The following DLG5 variants were observed in gnomAD, a reference collection of about 807,000 sequenced individuals.
The protein encoded by DLG5 is disks large homolog 5.
In DLG5, 48 loss-of-function variants were observed where a neutral mutation model predicts 189.8. That is an observed-to-expected ratio of 0.25 (90% CI 0.20 to 0.32). The LOEUF (loss-of-function observed/expected upper bound fraction) is 0.32, where lower values mean the gene tolerates loss of function less well. Ranked by LOEUF, DLG5 falls within the 10% of genes least tolerant of loss-of-function variation. The pLI, the probability that DLG5 is intolerant of heterozygous loss-of-function variation, is 1.00. For missense variants in DLG5, 2,160 were observed against 2,544.7 expected (o/e 0.85, Z 3.25); for synonymous variants, 1,016 against 1,054.1 (o/e 0.96, Z 0.70).
chr10:77,921,642 C>G (rs1038588978), intron 1 of DLG5, among the ~76,000 whole-genome samples: 1 of 152,166 alleles, frequency 6.6e-6, no homozygotes, highest in Non-Finnish European at 1.5e-5. Flanking sequence ...CCTGTGCGGT[C>G]CAGCCTACGC....
chr10:77,830,803 A>C lies in DLG5; in HGVS notation c.1819T>G (p.Ser607Ala). ...TCCATGGAATCCGTGTCAATGGCCG[A>C]GTCGTGGGAGCTGTGGGCCATCAGC... ...RQLMAHSSHD[S>A]AIDTDSMEWE... The change falls in exon 10 of 32, where the codon TCG becomes GCG. Residue 607 changes from serine to alanine, a missense_variant. Coordinates refer to ENST00000372391, the MANE Select transcript of DLG5 (RefSeq NM_004747.4). 1 of 1,614,154 alleles carries C rather than the reference A, an allele frequency of 6.2e-7. No individual in the cohort carries two copies. The highest frequency in any genetic ancestry group is 1.3e-5 in the African/African-American group (1 of 75,030).
At chr10:77,861,775 C>T (rs1285506231) in intron 2 of DLG5, among the ~76,000 whole-genome samples, 1 of 152,220 alleles carries the variant, frequency 6.6e-6, no homozygotes, top group Middle Eastern at 3.2e-3. Flanking sequence ...ACGCCAAAGC[C>T]AACACCTCAA....
intron 18 of DLG5, among the ~76,000 whole-genome samples, 155 bp downstream of exon 18, chr10:77,817,622 A>G (rs1363087609): frequency 6.6e-6 from 1 of 152,240 alleles, no homozygotes; most frequent in Non-Finnish European, 1.5e-5. Flanking sequence ...TGGCCCATGA[A>G]GGAAGCAGCC....
intron 7 of DLG5, among the ~76,000 whole-genome samples, chr10:77,838,470 A>G (rs949201883): frequency 2.0e-5 from 3 of 152,142 alleles, no homozygotes; most frequent in African/African-American, 7.2e-5. Context: ...GCTGGGAAGA[A>G]GAAGGCGAGG....
chr10:77,824,767 G>A (rs774271529), intron 13 of DLG5: 9 of 348,570 alleles, frequency 2.6e-5, no homozygotes, highest in African/African-American at 1.3e-4. Context: ...TGCTGTGCCC[G>A]GCCATGTGGC....
chr10:77,880,962 CTTTTTTTTTTT>C (rs61636782), intron 1 of DLG5, among the ~76,000 whole-genome samples: 3 of 73,236 alleles, frequency 4.1e-5, no homozygotes, highest in Admixed American at 2.1e-4. Flanking sequence ...AACCCTAGAC[CTTTTTTTTTTT>C]TTTTTTTTTT....
At chr10:77,819,787 C>T (rs1398021344) in intron 16 of DLG5, 108 bp downstream of exon 16, 2 of 1,479,716 alleles carry the variant, frequency 1.4e-6, no homozygotes, top group African/African-American at 2.8e-5. Flanking sequence ...GACCTCAGGG[C>T]TGAAAACACA....
chr10:77,821,337 G>A lies in DLG5; in HGVS notation c.3147C>T (p.Ser1049=), dbSNP rs113452234. The A allele has an allele frequency of 3.4e-5, 55 of 1,613,064 alleles. No individual in the cohort carries two copies. Among genetic ancestry groups the A allele is most frequent in the African/African-American group, 8.0e-5 (6 of 75,032 alleles). The change falls in exon 15 of 32, where the codon AGC becomes AGT. Residue 1049 remains serine, a synonymous_variant. Coordinates refer to ENST00000372391, the MANE Select transcript of DLG5 (RefSeq NM_004747.4). ...CGGGGTCCACGTCAGGGGGCAGGGC[G>A]CTCGGGGGACTAGTGGATGGGGAGC... The part of the protein sequence containing the change: ...VGSSPSTSPP[S]ALPPDVDPGE...
At chr10:77,918,722 C>CCG (rs1486381839) in intron 1 of DLG5, among the ~76,000 whole-genome samples, 2 of 152,200 alleles carry the variant, frequency 1.3e-5, no homozygotes, top group Non-Finnish European at 1.5e-5. Context: ...AATTTCCCCC[C>CCG]AGCGCAATCC....
At chr10:77,853,212 C>T in intron 5 of DLG5, 142 bp downstream of exon 5, 3 of 676,908 alleles carry the variant, frequency 4.4e-6, no homozygotes, top group Non-Finnish European at 6.4e-6. Context: ...CAAGCAATCT[C>T]TCACCTTGGT....
intron 23 of DLG5, 98 bp downstream of exon 23, chr10:77,810,996 T>A (rs1841738521): frequency 6.8e-7 from 1 of 1,462,240 alleles, no homozygotes; most frequent in East Asian, 2.4e-5. Flanking sequence ...CTGCAGCACA[T>A]GAGGCCAGCT....
rs1844065444 is a variant in DLG5, at chr10:77,853,204, A to G, written c.864+150T>C. The G allele has an allele frequency of 6.2e-6, 4 of 644,332 alleles. No individual in the cohort carries two copies. The East Asian group carries it at 1.3e-4, about 21-fold the overall frequency. The allele number at this position is 644,332 out of a possible 1,614,324, so 39.9% of individuals were successfully genotyped here. A position where few individuals can be genotyped will look rare whatever the true frequency, so the allele number is the denominator to read the frequency against. On this transcript the variant is annotated intron_variant, in intron 5 of 31. Coordinates refer to ENST00000372391, the MANE Select transcript of DLG5 (RefSeq NM_004747.4). ...TGCCATGTTGCCCAGGCTCATCTCA[A>G]GCAATCTCTCACCTTGGTCTTCCAA... is the stretch of plus-strand genomic sequence containing the variant.
At chr10:77,917,631 G>C (rs929413156) in intron 1 of DLG5, among the ~76,000 whole-genome samples, 6 of 152,192 alleles carry the variant, frequency 3.9e-5, no homozygotes, top group African/African-American at 1.4e-4. Flanking sequence ...TCAAGGTCTA[G>C]GGGGCCATGT....
intron 9 of DLG5, among the ~76,000 whole-genome samples, chr10:77,832,035 C>T (rs944892111): frequency 2.6e-5 from 4 of 152,232 alleles, no homozygotes; most frequent in Non-Finnish European, 4.4e-5. Context: ...TGGTAAAACC[C>T]CGTCTCTACC....
In DLG5 at chr10:77,792,303, G is replaced by T; in HGVS notation, c.*137C>A. ...GTGGCCCTCTGTCTACAAAGGAGGT[G>T]CTTCTGGGTCCTGGTTCCGGATCCT... On this transcript the variant is annotated 3_prime_UTR_variant, in exon 32 of 32. Coordinates refer to ENST00000372391, the MANE Select transcript of DLG5 (RefSeq NM_004747.4). 1.2e-6 allele frequency: 1 copy of T among 844,838 alleles called. No homozygotes were observed. The highest frequency in any genetic ancestry group is 1.9e-6 in the Non-Finnish European group (1 of 516,552). The allele number at this position is 844,838 out of a possible 1,614,324, so 52.3% of individuals were successfully genotyped here.
At chr10:77,882,178 G>A (rs904203777) in intron 1 of DLG5, among the ~76,000 whole-genome samples, 17 of 152,178 alleles carry the variant, frequency 1.1e-4, no homozygotes, top group African/African-American at 3.4e-4. Flanking sequence ...GCCATAGGGC[G>A]GGAGGCACAA....
intron 31 of DLG5, chr10:77,792,789 G>T: frequency 2.1e-6 from 1 of 485,234 alleles, no homozygotes; most frequent in South Asian, 3.2e-5. Flanking sequence ...GGTTGGGTTT[G>T]CAATGGTTGG....
At chr10:77,834,914 T>C (rs547667446) in intron 8 of DLG5, among the ~76,000 whole-genome samples, 6 of 152,198 alleles carry the variant, frequency 3.9e-5, no homozygotes, top group South Asian at 2.1e-4. Flanking sequence ...CCTAGAGACA[T>C]TGGTCTCTCC....
chr10:77,803,521 G>A (rs1214017161), intron 27 of DLG5, among the ~76,000 whole-genome samples: 2 of 152,010 alleles, frequency 1.3e-5, no homozygotes, highest in Non-Finnish European at 2.9e-5. Context: ...AAAGAAAACT[G>A]GTAATGTCAA....
Sources: allele counts gnomAD v4.1 joint callset (sites outside exome capture counted in the v4.1 genomes callset), GRCh38; gene constraint gnomAD v4.1.1; transcripts MANE v1.5; gene names NCBI Gene and HGNC (gene_info 2026-07-23, HGNC 2026-07-21).